The following PLCB1 variants were observed in gnomAD, a reference collection of about 807,000 sequenced individuals.
PLCB1 encodes phospholipase C beta 1, also known as 1-phosphatidylinositol 4,5-bisphosphate phosphodiesterase beta-1.
Under a neutral mutation model 161.8 loss-of-function variants are expected in PLCB1, and 46 were observed. The ratio of observed to expected loss-of-function variants is 0.28; its 90% confidence interval spans 0.22 to 0.36. PLCB1 has a LOEUF of 0.36. PLCB1 is among the 10% of genes least tolerant of loss of function. The pLI, the probability that PLCB1 is intolerant of heterozygous loss-of-function variation, is 1.00. For missense variants in PLCB1, 1,016 were observed against 1,472.5 expected (o/e 0.69, Z 5.07); for synonymous variants, 517 against 503.7 (o/e 1.03, Z -0.35).
intron 3 of PLCB1, among the ~76,000 whole-genome samples, chr20:8,538,834 C>A (rs562108053): frequency 6.7e-6 from 1 of 150,362 alleles, no homozygotes; most frequent in South Asian, 2.1e-4. Flanking sequence ...CACTGTGTCA[C>A]CCAGGCTGGA....
intron 7 of PLCB1, among the ~76,000 whole-genome samples, chr20:8,656,403 T>TTA (rs1989457258): frequency 6.6e-6 from 1 of 152,000 alleles, no homozygotes; most frequent in African/African-American, 2.4e-5. Context: ...GTTCTTTTGT[T>TTA]TAAGGGCTTG....
intron 2 of PLCB1, among the ~76,000 whole-genome samples, chr20:8,208,415 G>A (rs114741662): frequency 0.019 from 2,820 of 152,132 alleles, 64 homozygotes; most frequent in African/African-American, 0.061. Context: ...AAGGGAGGAG[G>A]CGGTCATTTT....
At chr20:8,333,149 T>C (rs1220821261) in intron 2 of PLCB1, among the ~76,000 whole-genome samples, 1 of 152,178 alleles carries the variant, frequency 6.6e-6, no homozygotes, top group East Asian at 1.9e-4. Context: ...CCTGATTGAA[T>C]GGAGGGAATT....
intron 3 of PLCB1, among the ~76,000 whole-genome samples, chr20:8,411,550 G>C (rs1300133732): frequency 1.3e-5 from 2 of 152,122 alleles, no homozygotes; most frequent in Non-Finnish European, 2.9e-5. Flanking sequence ...TGAAAGAGTA[G>C]ACTTTTATTG....
intron 2 of PLCB1, among the ~76,000 whole-genome samples, chr20:8,209,469 A>C (rs1978705864): frequency 6.6e-6 from 1 of 152,154 alleles, no homozygotes; most frequent in Non-Finnish European, 1.5e-5. Flanking sequence ...AGAAGTGTGT[A>C]ATCTTATGGT....
At chr20:8,158,815 G>A (rs1246563123) in intron 2 of PLCB1, among the ~76,000 whole-genome samples, 1 of 152,192 alleles carries the variant, frequency 6.6e-6, no homozygotes, top group Non-Finnish European at 1.5e-5. Context: ...GCTCCAAAAT[G>A]ATCTCCTTTG....
chr20:8,394,644 A>G (rs561495950), intron 3 of PLCB1, among the ~76,000 whole-genome samples: 1 of 152,312 alleles, frequency 6.6e-6, no homozygotes, highest in African/African-American at 2.4e-5. Flanking sequence ...CATAACATAT[A>G]TTTCATAATA....
At chr20:8,258,961 A>G (rs2123237827) in intron 2 of PLCB1, among the ~76,000 whole-genome samples, 1 of 152,186 alleles carries the variant, frequency 6.6e-6, no homozygotes, top group South Asian at 2.1e-4. Context: ...TTTGTCATTA[A>G]CCCCTTTCTC....
intron 3 of PLCB1, among the ~76,000 whole-genome samples, chr20:8,456,771 G>T (rs1332786991): frequency 6.6e-6 from 1 of 152,148 alleles, no homozygotes; most frequent in Non-Finnish European, 1.5e-5. Context: ...TTGGTGTCTG[G>T]TGAGAGCCCA....
chr20:8,719,699 A>G (rs1203257777), intron 14 of PLCB1, among the ~76,000 whole-genome samples: 5 of 152,166 alleles, frequency 3.3e-5, no homozygotes, highest in Non-Finnish European at 7.4e-5. Context: ...GATTGGTTAT[A>G]TTTTGTTTCT....
intron 3 of PLCB1, among the ~76,000 whole-genome samples, chr20:8,417,046 CA>C (rs1979315043): frequency 3.6e-5 from 2 of 55,206 alleles, no homozygotes; most frequent in Non-Finnish European, 8.1e-5. Flanking sequence ...CACACACACA[CA>C]CACACACATA....
chr20:8,405,037 C>T (rs1978723201), intron 3 of PLCB1, among the ~76,000 whole-genome samples: 1 of 152,116 alleles, frequency 6.6e-6, no homozygotes, highest in South Asian at 2.1e-4. Context: ...TTCAGTTCTC[C>T]ATATAGAAGA....
chr20:8,848,512 T>A (rs1167624543), intron 31 of PLCB1, among the ~76,000 whole-genome samples: 2 of 152,202 alleles, frequency 1.3e-5, no homozygotes, highest in Non-Finnish European at 2.9e-5. Context: ...AAGGCCTCCT[T>A]ATCACTGTGA....
chr20:8,365,340 G>A (rs557821818), intron 2 of PLCB1, among the ~76,000 whole-genome samples: 1 of 152,310 alleles, frequency 6.6e-6, no homozygotes, highest in East Asian at 1.9e-4. Flanking sequence ...AAGAAAGCCA[G>A]ATGTGTCATC....
intron 7 of PLCB1, among the ~76,000 whole-genome samples, chr20:8,655,457 T>A (rs1989432853): frequency 6.6e-6 from 1 of 152,050 alleles, no homozygotes; most frequent in Non-Finnish European, 1.5e-5. Context: ...GGGAGCACAA[T>A]ACATTGAGTG....
intron 19 of PLCB1, among the ~76,000 whole-genome samples, chr20:8,736,188 A>G (rs1980572153): frequency 6.6e-6 from 1 of 152,224 alleles, no homozygotes; most frequent in Non-Finnish European, 1.5e-5. Flanking sequence ...CCTGGTATAC[A>G]GCAGAAGCAC....
At chr20:8,233,108 A>G (rs549323689) in intron 2 of PLCB1, among the ~76,000 whole-genome samples, 1 of 152,228 alleles carries the variant, frequency 6.6e-6, no homozygotes, top group South Asian at 2.1e-4. Flanking sequence ...ATGACCACCA[A>G]ATCACCTGGG....
chr20:8,612,679 G>A (rs1383517019), intron 3 of PLCB1, among the ~76,000 whole-genome samples: 1 of 152,092 alleles, frequency 6.6e-6, no homozygotes, highest in Non-Finnish European at 1.5e-5. Context: ...GGTTTCCATA[G>A]CCTCCCCTGT....
intron 3 of PLCB1, among the ~76,000 whole-genome samples, chr20:8,386,693 C>T (rs536919738): frequency 3.3e-5 from 5 of 152,284 alleles, no homozygotes; most frequent in South Asian, 4.1e-4. Flanking sequence ...ATTGACTTCT[C>T]TCAAGATATG....
Sources: allele counts gnomAD v4.1 joint callset (sites outside exome capture counted in the v4.1 genomes callset), GRCh38; gene constraint gnomAD v4.1.1; transcripts MANE v1.5; gene names NCBI Gene and HGNC (gene_info 2026-07-23, HGNC 2026-07-21).